Variants in DSC2 observed in about 807,000 individuals in gnomAD.
DSC2 encodes the protein desmocollin 2, also known as desmocollin-2.
In DSC2, 51 loss-of-function variants were observed where a neutral mutation model predicts 87.6. The observed-to-expected ratio is 0.58, with a 90% CI of 0.46 to 0.74. DSC2 has a LOEUF of 0.74. Ranked by LOEUF, DSC2 falls within the 30% of genes least tolerant of loss-of-function variation. DSC2 has a pLI of 0.00. For missense variants in DSC2, 1,066 were observed against 1,089.5 expected (o/e 0.98, Z 0.30); for synonymous variants, 383 against 393.2 (o/e 0.97, Z 0.31).
At chr18:31,075,260 C>T (rs1478183463) in intron 11 of DSC2, among the ~76,000 whole-genome samples, 1 of 152,154 alleles carries the variant, frequency 6.6e-6, no homozygotes, top group African/African-American at 2.4e-5. Flanking sequence ...ACGTTATACA[C>T]ACCCGTGATC....
chr18:31,080,737 T>C (rs1987191765), intron 9 of DSC2, among the ~76,000 whole-genome samples: 1 of 152,210 alleles, frequency 6.6e-6, no homozygotes, highest in Non-Finnish European at 1.5e-5. Flanking sequence ...GCCATGATTA[T>C]AAGTTTCCTG....
At chr18:31,080,822 T>TAA in intron 9 of DSC2, among the ~76,000 whole-genome samples, 1 of 152,300 alleles carries the variant, frequency 6.6e-6, no homozygotes, top group South Asian at 2.1e-4. Context: ...TTATAAACTA[T>TAA]CCAGTCTCAG....
At chr18:31,072,803 T>C (rs1986877345) in intron 12 of DSC2, among the ~76,000 whole-genome samples, 1 of 152,184 alleles carries the variant, frequency 6.6e-6, no homozygotes. Flanking sequence ...AATACAAATT[T>C]GAATGCTTGG....
At chr18:31,075,048 A>G in intron 11 of DSC2, 141 bp from the exon 12 acceptor site, 2 of 870,768 alleles carry the variant, frequency 2.3e-6, no homozygotes, top group Non-Finnish European at 1.8e-6. Context: ...CTATGTCCTC[A>G]GGGAATGTTA....
Position 31,092,522 on chromosome 18 carries a change from G to A in DSC2, c.155-222C>T, listed in dbSNP as rs115000647. On this transcript the variant is annotated intron_variant, in intron 2 of 15. Transcript: ENST00000280904. Reference sequence around the variant, plus strand: ...ACATTCTCTTAAAGAAGAGACATTTGCTCTGAAGTAAACATATGTGAGCTC... The same window carrying A: ...ACATTCTCTTAAAGAAGAGACATTTACTCTGAAGTAAACATATGTGAGCTC... Among the ~76,000 whole-genome samples the A allele has an allele frequency of 0.012, 1,833 of 152,238 alleles. 35 individuals are homozygous for A. Among genetic ancestry groups the A allele is most frequent in the African/African-American group, 0.042 (1,762 of 41,536 alleles).
At position 31,060,006 on chromosome 18, in the gene DSC2, C is replaced by G. The variant is rs1376356161; in HGVS notation, c.*8009G>C. 6.6e-6 allele frequency: 1 copy of G among 152,104 alleles called. No homozygotes were observed. Among genetic ancestry groups the G allele is most frequent in the East Asian group, 1.9e-4 (1 of 5,186 alleles). The allele number at this position is 152,104 out of a possible 1,614,324, so 9.4% of individuals were successfully genotyped here. A position where few individuals can be genotyped will look rare whatever the true frequency, so the allele number is the denominator to read the frequency against. On this transcript the variant is annotated 3_prime_UTR_variant, in exon 16 of 16. Coordinates refer to ENST00000280904, the MANE Select transcript of DSC2 (RefSeq NM_024422.6). ...GTTTCTGTGATTTCCCAAGGTAACACAGCAAGAACAAAGCTGAGATTTGGA... is the reference window on the plus strand; with the variant it reads ...GTTTCTGTGATTTCCCAAGGTAACAGAGCAAGAACAAAGCTGAGATTTGGA...
chr18:31,062,462 A>T lies in DSC2; in HGVS notation c.*5553T>A, dbSNP rs182934504. 2 of 152,328 alleles carry T rather than the reference A, an allele frequency of 1.3e-5. No individual in the cohort carries two copies. Among genetic ancestry groups the T allele is most frequent in the Admixed American group, 1.3e-4 (2 of 15,290 alleles). The allele number at this position is 152,328 out of a possible 1,614,324, so 9.4% of individuals were successfully genotyped here. A position where few individuals can be genotyped will look rare whatever the true frequency, so the allele number is the denominator to read the frequency against. On this transcript the variant is annotated 3_prime_UTR_variant, in exon 16 of 16. Coordinates refer to ENST00000280904, the MANE Select transcript of DSC2 (RefSeq NM_024422.6). ...CAATGATGAAGTGACAGTCGCAAACATAATTTTCACATTGGCTAAAAATTT... is the reference window on the plus strand; with the variant it reads ...CAATGATGAAGTGACAGTCGCAAACTTAATTTTCACATTGGCTAAAAATTT...
rs1172324293 is a variant in DSC2 at position 31,067,372 on chromosome 18, A to C, written c.*643T>G. ...AAAAATACATTCTGAAAGTATTTTAAAACTTAAATTTCACTGGCAAAAGTA... is the reference window on the plus strand; with the variant it reads ...AAAAATACATTCTGAAAGTATTTTACAACTTAAATTTCACTGGCAAAAGTA... On this transcript the variant is annotated 3_prime_UTR_variant, in exon 16 of 16. Coordinates refer to ENST00000280904, the MANE Select transcript of DSC2 (RefSeq NM_024422.6). The C allele has an allele frequency of 6.6e-6, 1 of 152,180 alleles. No homozygotes were observed. Among genetic ancestry groups the C allele is most frequent in the African/African-American group, 2.4e-5 (1 of 41,466 alleles). 9.4% of individuals were successfully genotyped at this position (152,180 alleles called of 1,614,324 possible).
chr18:31,093,741 C>G, intron 1 of DSC2, 98 bp from the exon 2 acceptor site: 3 of 408,270 alleles, frequency 7.3e-6, no homozygotes, highest in Non-Finnish European at 1.1e-5. Flanking sequence ...ATGATATACA[C>G]ATAAAAAGGC....
intron 15 of DSC2, 128 bp downstream of exon 15, chr18:31,068,765 AT>A: frequency 7.9e-7 from 1 of 1,272,924 alleles, no homozygotes; most frequent in Non-Finnish European, 1.1e-6. Context: ...TTGAGGAAAA[AT>A]AATAGCTTTC....
At chr18:31,089,164 C>A (rs75379150) in intron 5 of DSC2, among the ~76,000 whole-genome samples, 653 of 102,496 alleles carry the variant, frequency 6.4e-3, no homozygotes, top group South Asian at 0.011. Context: ...GATGCTGTCT[C>A]AAAAAAAAAA....
Position 31,089,566 on chromosome 18 carries a change from GTA to G in DSC2, c.501_502del (p.Thr168HisfsTer11). On this transcript the variant is annotated frameshift_variant, in exon 5 of 16. Coordinates refer to ENST00000280904, the MANE Select transcript of DSC2 (RefSeq NM_024422.6). LOFTEE classifies it high-confidence loss of function. Reference sequence around the variant, plus strand: ...AGGACCTCTTATGGAATAGTATATGGTATAGTTTTGGGCCGTGTCAGATTGAA... The same window carrying G: ...AGGACCTCTTATGGAATAGTATATGGTAGTTTTGGGCCGTGTCAGATTGAA... 6.2e-7 allele frequency: 1 copy of G among 1,613,868 alleles called. No individual in the cohort carries two copies. Among genetic ancestry groups the G allele is most frequent in the Non-Finnish European group, 8.5e-7 (1 of 1,179,890 alleles).
rs192624854 is a variant in DSC2 at position 31,069,189 on chromosome 18, G to C, written c.2251-38C>G. 4.0e-5 allele frequency: 64 copies of C among 1,613,186 alleles called. No individual in the cohort carries two copies. In the East Asian group the frequency reaches 6.5e-4, roughly 16 times the overall value. On this transcript the variant is annotated intron_variant, in intron 14 of 15. Coordinates refer to ENST00000280904, the MANE Select transcript of DSC2 (RefSeq NM_024422.6). ...CAATTTGCATTAGGGATAATACAGA[G>C]AGGAACACAAAATTATGAAAAAGAA...
chr18:31,086,766 A>T (rs1987415243), intron 6 of DSC2, 24 bp from the exon 7 acceptor site: 6 of 1,609,340 alleles, frequency 3.7e-6, no homozygotes, highest in Non-Finnish European at 5.1e-6. Flanking sequence ...GTCCTTTTTA[A>T]TCTCCAAAAC....
At chr18:31,077,352 A>G (rs902611108) in intron 11 of DSC2, among the ~76,000 whole-genome samples, 3 of 152,156 alleles carry the variant, frequency 2.0e-5, no homozygotes, top group African/African-American at 7.2e-5. Flanking sequence ...GTTGTCTTGA[A>G]CATTTGTTTC....
At chr18:31,078,587 C>T (rs1987098332) in intron 11 of DSC2, among the ~76,000 whole-genome samples, 1 of 151,764 alleles carries the variant, frequency 6.6e-6, no homozygotes, top group South Asian at 2.1e-4. Context: ...TGCCTTTGAC[C>T]AACAAGTATT....
intron 1 of DSC2, among the ~76,000 whole-genome samples, chr18:31,094,131 C>T (rs2144852006): frequency 6.6e-6 from 1 of 152,136 alleles, no homozygotes; most frequent in East Asian, 1.9e-4. Flanking sequence ...TGGGAGAGTG[C>T]TGAAAACTAT....
At chr18:31,073,986 C>G (rs1986919238) in intron 12 of DSC2, among the ~76,000 whole-genome samples, 1 of 152,206 alleles carries the variant, frequency 6.6e-6, no homozygotes, top group African/African-American at 2.4e-5. Flanking sequence ...GGACTTGCAT[C>G]CCAGCTGCTT....
At position 31,066,614 on chromosome 18, in the gene DSC2, G is replaced by A. The variant is rs886053685; in HGVS notation, c.*1401C>T. 6.6e-6 allele frequency: 1 copy of A among 151,964 alleles called. No homozygotes were observed. Among genetic ancestry groups the A allele is most frequent in the Non-Finnish European group, 1.5e-5 (1 of 67,952 alleles). The allele number at this position is 151,964 out of a possible 1,614,324, so 9.4% of individuals were successfully genotyped here. A position where few individuals can be genotyped will look rare whatever the true frequency, so the allele number is the denominator to read the frequency against. Reference sequence around the variant, plus strand: ...AGAAACACATTTAAAATGTCCATATGTTTAGTATAAATAGAAAATTCATTG... The same window carrying A: ...AGAAACACATTTAAAATGTCCATATATTTAGTATAAATAGAAAATTCATTG... On this transcript the variant is annotated 3_prime_UTR_variant, in exon 16 of 16. Coordinates refer to ENST00000280904, the MANE Select transcript of DSC2 (RefSeq NM_024422.6).
Sources: gnomAD v4.1 joint callset for allele counts (sites outside exome capture counted in the v4.1 genomes callset) on GRCh38, gnomAD v4.1.1 for gene constraint, MANE v1.5 for transcripts, NCBI Gene and HGNC (gene_info 2026-07-23, HGNC 2026-07-21) for gene names.